HYDIN: variants seen among roughly 807,000 people sequenced by gnomAD.
HYDIN encodes the protein axonemal central pair apparatus protein HYDIN.
Under a neutral mutation model 403.9 loss-of-function variants are expected in HYDIN, and 132 were observed. That is an observed-to-expected ratio of 0.33 (90% CI 0.28 to 0.38). HYDIN has a LOEUF of 0.38. HYDIN is among the 10% of genes least tolerant of loss of function. The pLI is 1.00. For synonymous variants in HYDIN, 1,202 were observed against 1,891.7 expected, an observed-to-expected ratio of 0.64 and a Z score of 9.46; for missense variants, 2,827 against 5,009.5, an observed-to-expected ratio of 0.56 and a Z score of 13.15.
At chr16:71,070,319 T>G (rs2082426272) in intron 13 of HYDIN, among the ~76,000 whole-genome samples, 1 of 149,846 alleles carries the variant, frequency 6.7e-6, no homozygotes, top group Non-Finnish European at 1.5e-5. Flanking sequence ...CTTCCTTTCT[T>G]TCTTTTTTTT....
intron 57 of HYDIN, 32 bp from the exon 58 acceptor site, chr16:70,889,736 T>C (rs767103507): frequency 4.7e-6 from 3 of 631,880 alleles, no homozygotes; most frequent in Admixed American, 3.2e-5. Flanking sequence ...TACCCTTAGA[T>C]TGTGGGGTCG....
intron 7 of HYDIN, among the ~76,000 whole-genome samples, chr16:71,146,024 C>A (rs1036595637): frequency 6.6e-6 from 1 of 152,160 alleles, no homozygotes; most frequent in Non-Finnish European, 1.5e-5. Flanking sequence ...TATACCCCAA[C>A]ATATGTAGAG....
chr16:71,002,090 T>C (rs1366438890), intron 23 of HYDIN, among the ~76,000 whole-genome samples: 1 of 152,252 alleles, frequency 6.6e-6, no homozygotes, highest in Non-Finnish European at 1.5e-5. Flanking sequence ...ATGTAGTATG[T>C]AGACTGATCA....
intron 81 of HYDIN, among the ~76,000 whole-genome samples, 181 bp downstream of exon 81, chr16:70,829,437 T>C (rs2036812042): frequency 1.3e-5 from 2 of 151,684 alleles, no homozygotes; most frequent in Admixed American, 1.3e-4. Context: ...TTTCACCTTG[T>C]TGGCCAGGCT....
At chr16:71,149,620 G>A (rs12935819) in intron 7 of HYDIN, among the ~76,000 whole-genome samples, 1 of 151,840 alleles carries the variant, frequency 6.6e-6, no homozygotes. Context: ...TCCGCCTCCC[G>A]GGTTCAAGCA....
intron 24 of HYDIN, 81 bp downstream of exon 24, chr16:70,991,989 G>A (rs1284034926): frequency 6.3e-7 from 1 of 1,597,958 alleles, no homozygotes; most frequent in African/African-American, 1.3e-5. Context: ...ATGAACCAAT[G>A]AGGGATGAGT....
chr16:70,905,235 C>T (rs994426089), intron 50 of HYDIN, among the ~76,000 whole-genome samples: 3 of 152,052 alleles, frequency 2.0e-5, no homozygotes, highest in African/African-American at 7.2e-5. Flanking sequence ...CCGCTAATCA[C>T]TTCCATCCGG....
At chr16:70,886,776 T>A (rs917768568) in intron 58 of HYDIN, among the ~76,000 whole-genome samples, 1 of 152,248 alleles carries the variant, frequency 6.6e-6, no homozygotes, top group Non-Finnish European at 1.5e-5. Flanking sequence ...GTAAGAAATC[T>A]GCTGTCATTC....
At chr16:71,006,861 T>C (rs1421095591) in intron 23 of HYDIN, among the ~76,000 whole-genome samples, 1 of 152,182 alleles carries the variant, frequency 6.6e-6, no homozygotes, top group African/African-American at 2.4e-5. Flanking sequence ...GGCAAAGTGC[T>C]GAACTGTGGA....
At chr16:71,204,026 A>G (rs576554530) in intron 1 of HYDIN, 29 of 261,044 alleles carry the variant, frequency 1.1e-4, no homozygotes, top group African/African-American at 6.1e-4. Context: ...GATCTTGCCA[A>G]TGCACTCCAG....
intron 13 of HYDIN, among the ~76,000 whole-genome samples, chr16:71,071,427 C>T (rs1036760969): frequency 1.2e-4 from 18 of 151,278 alleles, no homozygotes; most frequent in African/African-American, 3.7e-4. Context: ...TACAGTTCCA[C>T]CTGAATGCAA....
intron 1 of HYDIN, among the ~76,000 whole-genome samples, chr16:71,212,831 T>C (rs2088668423): frequency 6.6e-6 from 1 of 151,902 alleles, no homozygotes; most frequent in East Asian, 1.9e-4. Flanking sequence ...AAATGAAGAT[T>C]CAAGAAGCTC....
chr16:71,161,855 T>C (rs1036462742), intron 6 of HYDIN, among the ~76,000 whole-genome samples: 1 of 151,522 alleles, frequency 6.6e-6, no homozygotes, highest in African/African-American at 2.4e-5. Flanking sequence ...ATAGCTCATT[T>C]GAAGGAAAAA....
At chr16:71,074,437 C>A (rs541925992) in intron 13 of HYDIN, among the ~76,000 whole-genome samples, 1 of 151,682 alleles carries the variant, frequency 6.6e-6, no homozygotes, top group Non-Finnish European at 1.5e-5. Context: ...AATCCCAGCA[C>A]ATGGGAGGCA....
chr16:71,078,416 T>C (rs1290777086), intron 13 of HYDIN, among the ~76,000 whole-genome samples: 7 of 152,202 alleles, frequency 4.6e-5, no homozygotes, highest in Non-Finnish European at 1.0e-4. Flanking sequence ...AAGTTGTATA[T>C]AGCATTCTCT....
intron 1 of HYDIN, among the ~76,000 whole-genome samples, chr16:71,200,383 T>C (rs937720072): frequency 6.6e-6 from 1 of 152,180 alleles, no homozygotes; most frequent in Non-Finnish European, 1.5e-5. Context: ...TCGGGACCCC[T>C]TTCCAGTAAC....
chr16:70,861,875 T>C (rs924604330), intron 69 of HYDIN, among the ~76,000 whole-genome samples, 173 bp downstream of exon 69: 3 of 82,296 alleles, frequency 3.6e-5, no homozygotes, highest in Admixed American at 1.4e-4. Flanking sequence ...ATTCTCCTTG[T>C]TCTCTAAAGG....
intron 75 of HYDIN, among the ~76,000 whole-genome samples, chr16:70,842,424 A>G (rs1029855573): frequency 1.3e-5 from 2 of 151,344 alleles, no homozygotes; most frequent in African/African-American, 4.8e-5. Flanking sequence ...TTCTTTTATC[A>G]TTATAAAATA....
intron 75 of HYDIN, 75 bp from the exon 76 acceptor site, chr16:70,840,308 G>T (rs1272511254): frequency 3.0e-5 from 38 of 1,268,748 alleles, no homozygotes; most frequent in Non-Finnish European, 3.9e-5. Context: ...CTCAGGTGAA[G>T]CAGGAAAGCA....
Sources: allele counts gnomAD v4.1 joint callset (sites outside exome capture counted in the v4.1 genomes callset), GRCh38; gene constraint gnomAD v4.1.1; transcripts MANE v1.5; gene names NCBI Gene and HGNC (gene_info 2026-07-23, HGNC 2026-07-21).